The following MYO1G variants were observed in gnomAD, a reference collection of about 807,000 sequenced individuals.
MYO1G encodes the protein unconventional myosin-Ig.
In MYO1G, 65 loss-of-function variants were observed where a neutral mutation model predicts 115.3. The observed-to-expected ratio is 0.56, with a 90% CI of 0.46 to 0.69. MYO1G has a LOEUF of 0.69. Among genes scored for constraint, MYO1G ranks in the 30% least tolerant of loss-of-function variants. MYO1G has a pLI of 0.00. For missense variants in MYO1G, 1,204 were observed against 1,393.5 expected, an observed-to-expected ratio of 0.86 and a Z score of 2.16; for synonymous variants, 510 against 552.6, an observed-to-expected ratio of 0.92 and a Z score of 1.08.
At position 44,966,148 on chromosome 7, in the gene MYO1G, GC is replaced by G; in HGVS notation, c.2081del (p.Arg694ProfsTer40). 1 of 1,613,150 alleles carries G rather than the reference GC, an allele frequency of 6.2e-7. No individual in the cohort carries two copies. Among genetic ancestry groups the G allele is most frequent in the South Asian group, 1.1e-5 (1 of 91,068 alleles). On this transcript the variant is annotated frameshift_variant, in exon 16 of 22. Coordinates refer to ENST00000258787, the MANE Select transcript of MYO1G (RefSeq NM_033054.3). LOFTEE classifies it high-confidence loss of function. This position sits in a 1 kb window ranked among gnomAD's most constrained non-coding sequence, Gnocchi z 5.0. Reference protein sequence around the residue: ...VAFGHSKLFIRSPRTLVTLEQ... With the variant: ...VAFGHSKLFIXSPRTLVTLEQ... ...CCAGTGTGACCAGTGTCCGGGGTGA[GC>G]GGATGAACAGCTTGCTGTGGCCAAA... is the stretch of plus-strand genomic sequence containing the variant.
Position 44,964,944 on chromosome 7 carries a change from C to A in MYO1G, c.2526+1G>T, listed in dbSNP as rs1024754609. On this transcript the variant is annotated splice_donor_variant, in intron 18 of 21. Coordinates refer to ENST00000258787, the MANE Select transcript of MYO1G (RefSeq NM_033054.3). LOFTEE classifies it high-confidence loss of function. The surrounding 1 kb of genome is among the most constrained non-coding windows in gnomAD (Gnocchi z 5.1). ...CAGCCCTGGACTCGCCTGGCACTTA[C>A]AGAGGACAGGTAGTCTCGGGCCCAG... 1 of 1,590,524 alleles carries A rather than the reference C, an allele frequency of 6.3e-7. No homozygotes were observed. The highest frequency in any genetic ancestry group is 8.6e-7 in the Non-Finnish European group (1 of 1,162,990).
chr7:44,971,151 C>T (rs572780807), intron 7 of MYO1G, 92 bp from the exon 8 acceptor site: 54 of 1,130,046 alleles, frequency 4.8e-5, no homozygotes, highest in East Asian at 1.0e-4. Flanking sequence ...AAGCAGGGGA[C>T]ATGGATGCGG....
intron 1 of MYO1G, 128 bp downstream of exon 1, chr7:44,978,739 G>A (rs1795127859): frequency 1.2e-6 from 1 of 806,030 alleles, no homozygotes; most frequent in East Asian, 2.6e-5. Context: ...ATCTGGTCTG[G>A]GTGGGTGTGT....
Position 44,962,831 on chromosome 7 carries a change from G to C in MYO1G, c.2965C>G (p.Arg989Gly), listed in dbSNP as rs1207021393. The C allele has an allele frequency of 6.6e-7, 1 of 1,515,902 alleles. No individual in the cohort carries two copies. Among genetic ancestry groups the C allele is most frequent in the South Asian group, 1.3e-5 (1 of 79,452 alleles). The allele number at this position is 1,515,902 out of a possible 1,614,324, so 93.9% of individuals were successfully genotyped here. The change falls in exon 22 of 22, where the codon CGC (arginine) becomes GGC (glycine). Residue 989 changes from arginine to glycine, a missense_variant. Physicochemically the swap from Arg to Gly is moderately radical, Grantham distance 125 (BLOSUM62 -2). Coordinates refer to ENST00000258787, the MANE Select transcript of MYO1G (RefSeq NM_033054.3). The surrounding 1 kb of genome is among the most constrained non-coding windows in gnomAD (Gnocchi z 5.3). ...CIPLSHRGVR[R>G]LISVEPRPEQ... ...GGCCTGGGCTCCACGGAGATGAGGC[G>C]CCGGACCCCGCGATGGCTTAGTGGG...
chr7:44,971,282 C>T (rs188625282), intron 7 of MYO1G, among the ~76,000 whole-genome samples: 59 of 146,688 alleles, frequency 4.0e-4, no homozygotes, highest in Non-Finnish European at 6.3e-4. Flanking sequence ...CTCGAGGCCT[C>T]GAGTCCAAAT....
Position 44,970,901 on chromosome 7 carries a change from G to GCCTC in MYO1G, c.1001_1004dup (p.Glu337GlnfsTer12). 1.2e-6 allele frequency: 2 copies of GCCTC among 1,613,500 alleles called. No homozygotes were observed. Among genetic ancestry groups the GCCTC allele is most frequent in the Non-Finnish European group, 1.7e-6 (2 of 1,180,018 alleles). On this transcript the variant is annotated frameshift_variant, in exon 8 of 22. Coordinates refer to ENST00000258787, the MANE Select transcript of MYO1G (RefSeq NM_033054.3). LOFTEE classifies it high-confidence loss of function. ...TGTGGCCCTTCTCTATGAGTTCCCT[G>GCCTC]CCTCCCGAGGCAACTGTGCGAGCCA...
chr7:44,979,015 T>C lies in MYO1G; in HGVS notation c.-54A>G. 6.3e-7 allele frequency: 1 copy of C among 1,578,618 alleles called. No individual in the cohort carries two copies. The highest frequency in any genetic ancestry group is 8.7e-7 in the Non-Finnish European group (1 of 1,148,182). On this transcript the variant is annotated 5_prime_UTR_variant, in exon 1 of 22. Transcript: ENST00000258787. ...CTTCCTGTGCCTGCTGGAAGGACAG[T>C]GAAGGAGAGGGGGAGGGAAGGCTAG...
chr7:44,962,954 C>T lies in MYO1G; in HGVS notation c.2900+16G>A, dbSNP rs1276640631. ...GGCCGGGGCTTCGTGCCCGCTACCG[C>T]CCAGCCTGCACTCACCCCTGGCAGT... On this transcript the variant is annotated intron_variant, in intron 21 of 21. Transcript: ENST00000258787. This position sits in a 1 kb window ranked among gnomAD's most constrained non-coding sequence, Gnocchi z 5.3. 1 of 1,522,026 alleles carries T rather than the reference C, an allele frequency of 6.6e-7. No homozygotes were observed. Among genetic ancestry groups the T allele is most frequent in the Non-Finnish European group, 8.8e-7 (1 of 1,138,618 alleles). The allele number at this position is 1,522,026 out of a possible 1,614,324, so 94.3% of individuals were successfully genotyped here.
intron 5 of MYO1G, chr7:44,974,163 C>T (rs1562832917): frequency 6.7e-6 from 1 of 149,434 alleles, no homozygotes; most frequent in Middle Eastern, 3.7e-3. Context: ...AAGTCAGAGT[C>T]GTGAAGACAC....
intron 14 of MYO1G, among the ~76,000 whole-genome samples, chr7:44,967,073 G>T (rs1193495258): frequency 1.3e-5 from 2 of 152,210 alleles, no homozygotes; most frequent in African/African-American, 4.8e-5. Flanking sequence ...GGTGGGCGTG[G>T]CAGGGGCAGG....
In MYO1G at chr7:44,978,824, G is replaced by A. The variant is rs761559925; in HGVS notation, c.95+43C>T. 39 of 1,566,002 alleles carry A rather than the reference G, an allele frequency of 2.5e-5. No homozygotes were observed. The African/African-American group carries it at 4.6e-4, about 18-fold the overall frequency. ...GTCTCTGCGAGGACGCAAGGTGGGA[G>A]ACCCTGGAGGAGGGGAGCCACTGCC... is the stretch of plus-strand genomic sequence containing the variant. On this transcript the variant is annotated intron_variant, in intron 1 of 21. Transcript: ENST00000258787.
Position 44,975,167 on chromosome 7 carries a change from G to C in MYO1G, c.618+7C>G. On this transcript the variant is annotated splice_region_variant and intron_variant, in intron 5 of 21. Transcript: ENST00000258787. ...TTTTTCCACCTCCCCTTGCCCTCAG[G>C]GCTTACTTGGTAGAAGGCGTGGAAG... is the stretch of plus-strand genomic sequence containing the variant. 6.2e-7 allele frequency: 1 copy of C among 1,614,002 alleles called. No homozygotes were observed. The highest frequency in any genetic ancestry group is 8.5e-7 in the Non-Finnish European group (1 of 1,179,964).
rs372082507 is a variant in MYO1G, at chr7:44,966,176, G to A, written c.2054C>T (p.Ala685Val). The A allele has an allele frequency of 1.8e-5, 29 of 1,612,600 alleles. No individual in the cohort carries two copies. Among genetic ancestry groups the A allele is most frequent in the Non-Finnish European group, 2.4e-5 (28 of 1,179,908 alleles). Residue 685 changes from alanine to valine, a missense_variant, in exon 16 of 22, where the codon GCC (alanine) becomes GTC (valine). Physicochemically the swap from Ala to Val is moderately conservative, Grantham distance 64 (BLOSUM62 0). Coordinates refer to ENST00000258787, the MANE Select transcript of MYO1G (RefSeq NM_033054.3). The surrounding 1 kb of genome is among the most constrained non-coding windows in gnomAD (Gnocchi z 5.0). ...GATGAACAGCTTGCTGTGGCCAAAG[G>A]CCACGTCCCCCTGCAGCCCGTGCTG... ...LEQHGLQGDV[A>V]FGHSKLFIRS... is the part of the protein sequence containing the mutation.
Position 44,965,846 on chromosome 7 carries a change from G to A in MYO1G, c.2172C>T (p.Thr724=), listed in dbSNP as rs758294387. The A allele has an allele frequency of 3.0e-5, 48 of 1,598,584 alleles. No individual in the cohort carries two copies. Among genetic ancestry groups the A allele is most frequent in the Admixed American group, 5.0e-5 (3 of 59,972 alleles). ...GCCTCCGGCAGCGCCACCTCGCCAA[G>A]GTGCCCCGCCATGCCTGGGTGGGCC... ...VLLLQKAWRG[T]LARWRCRRLR... Residue 724 remains threonine (T), a synonymous_variant, in exon 17 of 22, where the codon ACC becomes ACT. Transcript: ENST00000258787.
At position 44,969,876 on chromosome 7, in the gene MYO1G, C is replaced by T; in HGVS notation, c.1333-1G>A. The T allele has an allele frequency of 6.2e-7, 1 of 1,602,556 alleles. No individual in the cohort carries two copies. The highest frequency in any genetic ancestry group is 1.3e-5 in the African/African-American group (1 of 74,916). On this transcript the variant is annotated splice_acceptor_variant, in intron 10 of 21. Transcript: ENST00000258787. LOFTEE classifies it high-confidence loss of function. The surrounding 1 kb of genome is among the most constrained non-coding windows in gnomAD (Gnocchi z 5.0). ...TGGTGGCGTTGTTGAAATACTCAAC[C>T]TGGGGCAAAGGCAGCCAGCAAGGAA...
At position 44,976,950 on chromosome 7, in the gene MYO1G, C is replaced by T. The variant is rs1183871224; in HGVS notation, c.217G>A (p.Glu73Lys). The change falls in exon 2 of 22, where the codon GAG (glutamate) becomes AAG (lysine). Residue 73 changes from glutamate (E) to lysine (K), a missense_variant. Coordinates refer to ENST00000258787, the MANE Select transcript of MYO1G (RefSeq NM_033054.3). ...IARYQGRELYERPPHLYAVAN... is the reference protein window; with the variant it reads ...IARYQGRELYKRPPHLYAVAN... Reference sequence around the variant, plus strand: ...ACAGCATAGAGATGGGGTGGCCGCTCATAGAGCTCACGGCCCTGGTACCTG... The same window carrying T: ...ACAGCATAGAGATGGGGTGGCCGCTTATAGAGCTCACGGCCCTGGTACCTG... The T allele has an allele frequency of 6.2e-7, 1 of 1,613,612 alleles. No individual in the cohort carries two copies. Among genetic ancestry groups the T allele is most frequent in the Admixed American group, 1.7e-5 (1 of 60,026 alleles).
intron 9 of MYO1G, 38 bp downstream of exon 9, chr7:44,970,554 G>C: frequency 6.2e-7 from 1 of 1,611,786 alleles, no homozygotes; most frequent in Non-Finnish European, 8.5e-7. Context: ...AAAGCTGCTG[G>C]GTGTCAGAGG....
Position 44,978,973 on chromosome 7 carries a change from G to GA in MYO1G, c.-13dup. The GA allele has an allele frequency of 6.2e-7, 1 of 1,613,744 alleles. No homozygotes were observed. The highest frequency in any genetic ancestry group is 8.5e-7 in the Non-Finnish European group (1 of 1,179,660). ...TCCTCGTCCTCCATCCTGCCGGCTGGAAACACCTTGCCTCACCTTCCTGTG... is the reference window on the plus strand; with the variant it reads ...TCCTCGTCCTCCATCCTGCCGGCTGGAAAACACCTTGCCTCACCTTCCTGTG... On this transcript the variant is annotated 5_prime_UTR_variant, in exon 1 of 22. Coordinates refer to ENST00000258787, the MANE Select transcript of MYO1G (RefSeq NM_033054.3).
At position 44,963,146 on chromosome 7, in the gene MYO1G, A is replaced by G; in HGVS notation, c.2746-22T>C. The G allele has an allele frequency of 7.1e-7, 1 of 1,417,144 alleles. No homozygotes were observed. Among genetic ancestry groups the G allele is most frequent in the Non-Finnish European group, 9.2e-7 (1 of 1,089,488 alleles). The allele number at this position is 1,417,144 out of a possible 1,614,324, so 87.8% of individuals were successfully genotyped here. On this transcript the variant is annotated intron_variant, in intron 20 of 21. Coordinates refer to ENST00000258787, the MANE Select transcript of MYO1G (RefSeq NM_033054.3). The surrounding 1 kb of genome is among the most constrained non-coding windows in gnomAD (Gnocchi z 4.1). Reference sequence around the variant, plus strand: ...TCACCTGAGCGGAGCGCGGGGTCAGAGTGCAGCCGCCTCAACCCGCACCCC... The same window carrying G: ...TCACCTGAGCGGAGCGCGGGGTCAGGGTGCAGCCGCCTCAACCCGCACCCC...
Sources: gnomAD v4.1 joint callset for allele counts (sites outside exome capture counted in the v4.1 genomes callset) on GRCh38, gnomAD v4.1.1 for gene constraint, Gnocchi (gnomAD v3.1) non-coding constraint, MANE v1.5 for transcripts, NCBI Gene and HGNC (gene_info 2026-07-23, HGNC 2026-07-21) for gene names.